The following LRRC37A2 variants were observed in gnomAD, a reference collection of about 807,000 sequenced individuals.
LRRC37A2 encodes the protein leucine rich repeat containing 37 member A2.
In LRRC37A2, 9 loss-of-function variants were observed where a neutral mutation model predicts 68.8. The ratio of observed to expected loss-of-function variants is 0.13; its 90% CI spans 0.08 to 0.23. LRRC37A2 has a LOEUF of 0.23. LRRC37A2 is among the 10% of genes least tolerant of loss of function. The probability of loss-of-function intolerance (pLI) is 1.00; values close to 1 mark genes in which losing one functional copy is unlikely to be tolerated. For synonymous variants in LRRC37A2, 63 were observed against 367.6 expected, an observed-to-expected ratio of 0.17 and a Z score of 9.48; for missense variants, 168 against 950.4, an observed-to-expected ratio of 0.18 and a Z score of 10.82.
At chr17:46,830,735 G>A in the LRRC37A2 span, 3 of 398,502 alleles carry the variant, frequency 7.5e-6, no homozygotes, top group Admixed American at 8.8e-5. Flanking sequence ...TGGCTAGAGA[G>A]GGCCACGGGT....
chr17:46,494,566 G>A, the LRRC37A2 span, among the ~76,000 whole-genome samples: 3 of 150,914 alleles, frequency 2.0e-5, no homozygotes, highest in Non-Finnish European at 4.4e-5. Flanking sequence ...ATATTGTTTC[G>A]ATTATTAGAA....
chr17:46,932,111 C>T, the LRRC37A2 span: 45 of 1,613,190 alleles, frequency 2.8e-5, no homozygotes, highest in South Asian at 3.8e-4. Flanking sequence ...CTGCAGACTG[C>T]GCTCAGAAAC....
chr17:46,853,331 G>C, the LRRC37A2 span, among the ~76,000 whole-genome samples: 1 of 145,914 alleles, frequency 6.9e-6, no homozygotes, highest in Non-Finnish European at 1.5e-5. Flanking sequence ...ACAGTGTCTA[G>C]CATGCAGTAA....
chr17:46,896,375 G>A, the LRRC37A2 span, among the ~76,000 whole-genome samples: 2 of 130,312 alleles, frequency 1.5e-5, no homozygotes, highest in Admixed American at 1.8e-4. Context: ...AAGAGAGAGA[G>A]AGAAGAAAGA....
chr17:46,737,195 T>C, the LRRC37A2 span, among the ~76,000 whole-genome samples: 17 of 152,174 alleles, frequency 1.1e-4, no homozygotes, highest in Non-Finnish European at 2.9e-5. Flanking sequence ...ATTGTGAAGT[T>C]TGTGCACAAG....
the LRRC37A2 span, among the ~76,000 whole-genome samples, chr17:46,920,296 T>C: frequency 6.6e-6 from 1 of 152,218 alleles, no homozygotes; most frequent in African/African-American, 2.4e-5. Context: ...TACTTAATAA[T>C]GTAGCTTGAG....
chr17:46,721,799 G>A, the LRRC37A2 span: 14 of 1,601,606 alleles, frequency 8.7e-6, no homozygotes, highest in Admixed American at 2.0e-4. Flanking sequence ...GTGCACAGCT[G>A]TCAGAGTACG....
chr17:46,909,583 A>G, the LRRC37A2 span, among the ~76,000 whole-genome samples: 3 of 152,340 alleles, frequency 2.0e-5, no homozygotes, highest in East Asian at 5.8e-4. Context: ...CCACGTTTCA[A>G]GTACTCAGGA....
the LRRC37A2 span, among the ~76,000 whole-genome samples, chr17:46,720,324 CTT>C: frequency 6.6e-6 from 1 of 152,244 alleles, no homozygotes; most frequent in African/African-American, 2.4e-5. Flanking sequence ...ATTTGTATCT[CTT>C]TGGCGTAGAA....
the LRRC37A2 span, among the ~76,000 whole-genome samples, chr17:46,476,577 G>A: frequency 1.9e-5 from 2 of 102,674 alleles, no homozygotes; most frequent in Non-Finnish European, 2.4e-5. Context: ...CCAGCTACTC[G>A]GAAGGCTGAG....
chr17:46,491,128 C>T, the LRRC37A2 span, among the ~76,000 whole-genome samples: 6 of 150,936 alleles, frequency 4.0e-5, no homozygotes. Context: ...AACTCCTGAG[C>T]TCAGGCGATC....
chr17:46,921,492 T>C, the LRRC37A2 span, among the ~76,000 whole-genome samples: 2 of 152,062 alleles, frequency 1.3e-5, no homozygotes, highest in African/African-American at 2.4e-5. Flanking sequence ...GGGATCTAAT[T>C]AAACTAAAGA....
At chr17:46,783,305 T>C in the LRRC37A2 span, among the ~76,000 whole-genome samples, 4 of 152,088 alleles carry the variant, frequency 2.6e-5, no homozygotes, top group Admixed American at 2.6e-4. Flanking sequence ...TGGGGCCTGG[T>C]GATTTGTGGA....
chr17:47,027,722 C>T, the LRRC37A2 span: 2 of 658,694 alleles, frequency 3.0e-6, no homozygotes, highest in South Asian at 3.3e-5. Flanking sequence ...TAAAATTTTA[C>T]CAGTAGAAAG....
chr17:46,861,294 T>C, the LRRC37A2 span, among the ~76,000 whole-genome samples: 1 of 152,208 alleles, frequency 6.6e-6, no homozygotes, highest in East Asian at 1.9e-4. Flanking sequence ...TTTCCTTTAG[T>C]AGAGACCTCG....
chr17:46,765,294 C>T, the LRRC37A2 span, among the ~76,000 whole-genome samples: 3 of 152,162 alleles, frequency 2.0e-5, no homozygotes, highest in East Asian at 5.8e-4. Flanking sequence ...AGGACTTGGG[C>T]GCAGCCAGGC....
chr17:46,908,033 G>T, the LRRC37A2 span, among the ~76,000 whole-genome samples: 1 of 152,080 alleles, frequency 6.6e-6, no homozygotes. Context: ...CTGGGTTACC[G>T]ACCCTCTAAT....
At chr17:46,992,757 G>A in the LRRC37A2 span, among the ~76,000 whole-genome samples, 105,462 of 150,652 alleles carry the variant, frequency 0.7, 37,523 homozygotes, top group Middle Eastern at 0.78. Flanking sequence ...GGAGGCTGAG[G>A]CAGGAGAATC....
the LRRC37A2 span, among the ~76,000 whole-genome samples, chr17:46,921,709 G>A: frequency 9.9e-5 from 15 of 152,196 alleles, no homozygotes; most frequent in Admixed American, 2.0e-4. Flanking sequence ...AGACATTTAT[G>A]CAGCCAACAG....
Sources: allele counts gnomAD v4.1 joint callset (sites outside exome capture counted in the v4.1 genomes callset), GRCh38; gene constraint gnomAD v4.1.1; transcripts MANE v1.5; gene names NCBI Gene and HGNC (gene_info 2026-07-23, HGNC 2026-07-21).